The following GRIA1 variants were observed in gnomAD, a reference collection of about 807,000 sequenced individuals.
GRIA1 encodes glutamate ionotropic receptor AMPA type subunit 1, also known as glutamate receptor 1.
GRIA1 carries 31 observed loss-of-function variants against 99.2 expected under a neutral mutation model. That is an observed-to-expected ratio of 0.31 (90% CI 0.23 to 0.42). The LOEUF is 0.42. Among genes scored for constraint, GRIA1 ranks in the 10% least tolerant of loss-of-function variants. GRIA1 has a pLI of 1.00. For synonymous variants in GRIA1, 438 were observed against 432.4 expected (o/e 1.01, Z -0.16); for missense variants, 782 against 1,157.5 (o/e 0.68, Z 4.71).
chr5:153,655,052 A>T (rs527401111), intron 4 of GRIA1, among the ~76,000 whole-genome samples: 2 of 152,322 alleles, frequency 1.3e-5, no homozygotes, highest in Admixed American at 1.3e-4. Context: ...ATAATCAAAC[A>T]TCAAATGGAA....
chr5:153,561,995 G>C (rs1761172340), intron 2 of GRIA1, among the ~76,000 whole-genome samples: 1 of 152,218 alleles, frequency 6.6e-6, no homozygotes, highest in Non-Finnish European at 1.5e-5. Flanking sequence ...ACTATGAATG[G>C]TGAATAGAGC....
At chr5:153,526,898 G>A (rs1757651176) in intron 2 of GRIA1, among the ~76,000 whole-genome samples, 2 of 152,138 alleles carry the variant, frequency 1.3e-5, no homozygotes, top group South Asian at 4.1e-4. Context: ...TTCTTCATCT[G>A]CAAAAATGGA....
At chr5:153,499,197 G>A (rs558308532) in intron 2 of GRIA1, among the ~76,000 whole-genome samples, 1 of 152,254 alleles carries the variant, frequency 6.6e-6, no homozygotes, top group Admixed American at 6.5e-5. Flanking sequence ...CCATTTCATT[G>A]ATGATGGTAC....
intron 2 of GRIA1, among the ~76,000 whole-genome samples, chr5:153,588,893 G>A (rs2149384066): frequency 6.6e-6 from 1 of 151,824 alleles, no homozygotes; most frequent in East Asian, 1.9e-4. Context: ...TTCCTTTCAG[G>A]TACTATATAT....
intron 2 of GRIA1, among the ~76,000 whole-genome samples, chr5:153,578,226 G>A (rs1366492487): frequency 6.7e-6 from 1 of 150,214 alleles, no homozygotes; most frequent in Non-Finnish European, 1.5e-5. Context: ...ACGATTCTCT[G>A]AAGAAAAAAG....
At chr5:153,671,681 G>C (rs1281958380) in intron 5 of GRIA1, among the ~76,000 whole-genome samples, 1 of 152,144 alleles carries the variant, frequency 6.6e-6, no homozygotes, top group Non-Finnish European at 1.5e-5. Context: ...ATTTCTCCTG[G>C]ATAATTGGCT....
chr5:153,809,102 G>A (rs1000984506), intron 15 of GRIA1, among the ~76,000 whole-genome samples: 6 of 152,220 alleles, frequency 3.9e-5, no homozygotes, highest in African/African-American at 9.6e-5. Flanking sequence ...GGATGTGGCA[G>A]AGAAAAATCA....
At chr5:153,598,575 G>C (rs1318541963) in intron 2 of GRIA1, among the ~76,000 whole-genome samples, 1 of 152,162 alleles carries the variant, frequency 6.6e-6, no homozygotes. Context: ...TCCTAAGGTG[G>C]TCTCGTGGAG....
intron 2 of GRIA1, among the ~76,000 whole-genome samples, chr5:153,534,085 G>C (rs1259811711): frequency 2.0e-5 from 3 of 152,204 alleles, no homozygotes; most frequent in Non-Finnish European, 4.4e-5. Context: ...CTATGCTGGT[G>C]CTTGCTATGC....
intron 11 of GRIA1, among the ~76,000 whole-genome samples, chr5:153,739,420 A>T (rs1381356217): frequency 2.0e-5 from 3 of 152,222 alleles, no homozygotes; most frequent in Non-Finnish European, 4.4e-5. Flanking sequence ...CACTAGCACA[A>T]GGCCTGGCAC....
chr5:153,525,194 T>C (rs1023478452), intron 2 of GRIA1: 1 of 152,274 alleles, frequency 6.6e-6, no homozygotes, highest in Non-Finnish European at 1.5e-5. Context: ...GTGCAGTGAT[T>C]CTCAGCTGGG....
chr5:153,520,738 C>T (rs1449831521), intron 2 of GRIA1, among the ~76,000 whole-genome samples: 2 of 152,106 alleles, frequency 1.3e-5, no homozygotes, highest in Non-Finnish European at 2.9e-5. Context: ...GAAATAAGAA[C>T]CTGGATTTCT....
chr5:153,780,332 C>G (rs1409354840), intron 13 of GRIA1, among the ~76,000 whole-genome samples: 1 of 152,188 alleles, frequency 6.6e-6, no homozygotes, highest in Non-Finnish European at 1.5e-5. Flanking sequence ...CAAATTCTGC[C>G]TCCCGCATTT....
chr5:153,643,769 T>C (rs1753941924), intron 2 of GRIA1, among the ~76,000 whole-genome samples: 1 of 152,176 alleles, frequency 6.6e-6, no homozygotes, highest in East Asian at 1.9e-4. Context: ...GCACTCTGTT[T>C]AAGGTAAGAG....
At chr5:153,721,227 C>A (rs1425285037) in intron 11 of GRIA1, among the ~76,000 whole-genome samples, 1 of 152,156 alleles carries the variant, frequency 6.6e-6, no homozygotes, top group African/African-American at 2.4e-5. Flanking sequence ...TTAACTTCAA[C>A]CTCTTTTTTT....
Position 153,788,951 on chromosome 5 carries a change from A to G in GRIA1, c.2271-5670A>G, listed in dbSNP as rs549020890. ...AGCCAATTCCATTTCCTTTGGCTCT[A>G]TTGTCATTTCTTTTCCATATTGACT... On this transcript the variant is annotated intron_variant, in intron 13 of 15. Transcript: ENST00000285900. 2.0e-4 allele frequency among the ~76,000 whole-genome samples: 30 copies of G among 152,176 alleles called. 1 individual carries two copies. The highest frequency in any genetic ancestry group is 4.2e-4 in the South Asian group (2 of 4,812).
chr5:153,790,894 C>G (rs540543763), intron 13 of GRIA1, among the ~76,000 whole-genome samples: 1 of 152,230 alleles, frequency 6.6e-6, no homozygotes, highest in Non-Finnish European at 1.5e-5. Context: ...TTCCAAGGTT[C>G]CTGGCCTTGG....
intron 8 of GRIA1, among the ~76,000 whole-genome samples, chr5:153,695,263 G>C (rs1416647589): frequency 6.6e-6 from 1 of 152,152 alleles, no homozygotes; most frequent in African/African-American, 2.4e-5. Context: ...GTACTGTGGA[G>C]ATTTAAAAAA....
In GRIA1 at chr5:153,756,462, T is replaced by C. The variant is rs112277106; in HGVS notation, c.1824-7972T>C. 6.0e-3 allele frequency among the ~76,000 whole-genome samples: 915 copies of C among 152,274 alleles called. 10 individuals are homozygous for C. Among genetic ancestry groups the C allele is most frequent in the African/African-American group, 0.021 (874 of 41,558 alleles). ...CCATACAGGAAACTGCTGGGAAGCA[T>C]ACATGTCTGCAACACTGTAGGCAGG... On this transcript the variant is annotated intron_variant, in intron 11 of 15. Transcript: ENST00000285900.
Sources: allele counts gnomAD v4.1 joint callset (sites outside exome capture counted in the v4.1 genomes callset), GRCh38; gene constraint gnomAD v4.1.1; transcripts MANE v1.5; gene names NCBI Gene and HGNC (gene_info 2026-07-23, HGNC 2026-07-21).